WDR26: variants seen among roughly 807,000 people sequenced by gnomAD.
WDR26 encodes the protein WD repeat domain 26, also known as WD repeat-containing protein 26.
A neutral mutation model predicts 84.1 loss-of-function variants in WDR26; 5 were observed. That is an observed-to-expected ratio of 0.06 (90% CI 0.03 to 0.13). The LOEUF is 0.13. Ranked by LOEUF, WDR26 falls within the 10% of genes least tolerant of loss-of-function variation. WDR26 has a pLI of 1.00. For missense variants in WDR26, 642 were observed against 974.9 expected, an observed-to-expected ratio of 0.66 and a Z score of 4.55; for synonymous variants, 415 against 389.6, an observed-to-expected ratio of 1.07 and a Z score of -0.77.
intron 4 of WDR26, among the ~76,000 whole-genome samples, chr1:224,422,245 G>C (rs1353589735): frequency 2.0e-5 from 3 of 152,176 alleles, no homozygotes; most frequent in Non-Finnish European, 4.4e-5. Context: ...AAGAGCATGA[G>C]TGTCACTAGA....
chr1:224,410,612 A>G (rs1362580260), intron 7 of WDR26, among the ~76,000 whole-genome samples: 1 of 151,576 alleles, frequency 6.6e-6, no homozygotes, highest in Non-Finnish European at 1.5e-5. Context: ...CAAGATAATG[A>G]TGGGCTTCAG....
chr1:224,415,022 T>A (rs1034201644), intron 6 of WDR26, among the ~76,000 whole-genome samples: 5 of 152,168 alleles, frequency 3.3e-5, no homozygotes, highest in Admixed American at 2.6e-4. Context: ...AAAACTTTTT[T>A]TAATTAAAAA....
intron 7 of WDR26, among the ~76,000 whole-genome samples, chr1:224,406,784 C>G (rs1241759001): frequency 6.6e-6 from 1 of 152,006 alleles, no homozygotes; most frequent in East Asian, 1.9e-4. Context: ...TGCCCCAGAT[C>G]AACACAAAGA....
chr1:224,433,710 T>C lies in WDR26; in HGVS notation c.696A>G (p.Gly232=). The stretch of plus-strand genomic sequence containing the variant: ...TGAGCCCTAAGCCATTCAAGTGCTG[T>C]CCTATTAGCCTAATGACATCCTCAT... Residue 232 remains glycine (G), a synonymous_variant, in exon 1 of 14, where the codon GGA becomes GGG. Transcript: ENST00000414423. 1 of 1,524,994 alleles carries C rather than the reference T, an allele frequency of 6.6e-7. No homozygotes were observed. The highest frequency in any genetic ancestry group is 8.8e-7 in the Non-Finnish European group (1 of 1,139,328). The allele number at this position is 1,524,994 out of a possible 1,614,324, so 94.5% of individuals were successfully genotyped here.
intron 4 of WDR26, among the ~76,000 whole-genome samples, chr1:224,423,257 T>C (rs1674116424): frequency 6.6e-6 from 1 of 152,222 alleles, no homozygotes; most frequent in Admixed American, 6.5e-5. Flanking sequence ...TTTCCTTGGC[T>C]AGAACCTCCA....
At chr1:224,399,589 T>C (rs1242466944) in intron 9 of WDR26, among the ~76,000 whole-genome samples, 2 of 152,208 alleles carry the variant, frequency 1.3e-5, no homozygotes, top group Non-Finnish European at 2.9e-5. Context: ...CTTCCCATTT[T>C]ATAAGTTAGA....
At chr1:224,405,722 A>AAAT (rs1456293724) in intron 7 of WDR26, among the ~76,000 whole-genome samples, 2 of 152,240 alleles carry the variant, frequency 1.3e-5, no homozygotes, top group Admixed American at 1.3e-4. Flanking sequence ...GCCTCACTTA[A>AAAT]AAGCCCATAT....
chr1:224,407,717 C>T (rs1470570672), intron 7 of WDR26, among the ~76,000 whole-genome samples: 1 of 151,904 alleles, frequency 6.6e-6, no homozygotes, highest in Non-Finnish European at 1.5e-5. Context: ...ACCATGTTGG[C>T]CAGGTTGGCT....
chr1:224,388,080 G>A lies in WDR26; in HGVS notation c.*1755C>T, dbSNP rs547406494. On this transcript the variant is annotated 3_prime_UTR_variant, in exon 14 of 14. Transcript: ENST00000414423. ...TCATTTTCTTTACTATGGGCTTCTG[G>A]GAGAATGCATGCTATTTTAAGGCCA... 6.6e-6 allele frequency: 1 copy of A among 152,540 alleles called. No homozygotes were observed. The highest frequency in any genetic ancestry group is 2.4e-5 in the African/African-American group (1 of 41,494). The allele number at this position is 152,540 out of a possible 1,614,324, so 9.4% of individuals were successfully genotyped here.
chr1:224,391,469 T>C (rs1673126595), intron 13 of WDR26, among the ~76,000 whole-genome samples: 1 of 152,018 alleles, frequency 6.6e-6, no homozygotes, highest in Admixed American at 6.6e-5. Flanking sequence ...CCTTTTGAAA[T>C]GGAGTTGAGT....
intron 12 of WDR26, among the ~76,000 whole-genome samples, chr1:224,395,694 G>T (rs1453880531): frequency 6.6e-6 from 1 of 151,842 alleles, no homozygotes; most frequent in Non-Finnish European, 1.5e-5. Context: ...CAGGGTTAAA[G>T]TGTGAATGCA....
intron 12 of WDR26, among the ~76,000 whole-genome samples, chr1:224,394,598 G>GAGGCA (rs528283077): frequency 0.18 from 27,783 of 151,510 alleles, 2,791 homozygotes; most frequent in Middle Eastern, 0.23. Flanking sequence ...TCCACCTCCC[G>GAGGCA]GGTTCAAGCG....
intron 13 of WDR26, among the ~76,000 whole-genome samples, chr1:224,391,917 T>C (rs1351329794): frequency 6.6e-6 from 1 of 152,200 alleles, no homozygotes; most frequent in East Asian, 1.9e-4. Flanking sequence ...GCTATACCCA[T>C]GTTGCCAAAG....
intron 6 of WDR26, among the ~76,000 whole-genome samples, chr1:224,414,540 C>T (rs1673838189): frequency 6.6e-6 from 1 of 151,904 alleles, no homozygotes; most frequent in Non-Finnish European, 1.5e-5. Context: ...CAGAAAAAAG[C>T]GGGTATTTAA....
chr1:224,407,174 C>G (rs1321461579), intron 7 of WDR26, among the ~76,000 whole-genome samples: 2 of 51,192 alleles, frequency 3.9e-5, no homozygotes, highest in African/African-American at 1.6e-4. Context: ...ATATATATAA[C>G]TCAAAAACTT....
rs73125517 is a variant in WDR26 at position 224,395,195 on chromosome 1, A to C, written c.2075-1182T>G. On this transcript the variant is annotated intron_variant, in intron 12 of 13. Coordinates refer to ENST00000414423, the MANE Select transcript of WDR26 (RefSeq NM_001379403.1). ...ACCTGTAAATGGGGATACTAACCTC[A>C]TATCATGTTGTTATAAGGATTAAAT... 6.4e-3 allele frequency among the ~76,000 whole-genome samples: 973 copies of C among 152,302 alleles called. 11 individuals carry two copies. The highest frequency in any genetic ancestry group is 0.022 in the African/African-American group (914 of 41,554).
intron 8 of WDR26, among the ~76,000 whole-genome samples, chr1:224,402,313 T>C (rs1053666435): frequency 6.6e-6 from 1 of 152,220 alleles, no homozygotes; most frequent in African/African-American, 2.4e-5. Context: ...TTGACTGATA[T>C]AAACAGTTGA....
Position 224,433,818 on chromosome 1 carries a change from G to A in WDR26, c.588C>T (p.Ser196=). The change falls in exon 1 of 14, where the codon TCC becomes TCT. Residue 196 remains serine, a synonymous_variant. Coordinates refer to ENST00000414423, the MANE Select transcript of WDR26 (RefSeq NM_001379403.1). ...AGGAAGAGGAGGCGGCGGTGGTGGC[G>A]GAGGCAGCTGCGACGGTGGCTGAGG... 6 of 1,536,922 alleles carry A rather than the reference G, an allele frequency of 3.9e-6. No homozygotes were observed. The highest frequency in any genetic ancestry group is 3.6e-5 in the South Asian group (3 of 84,040).
rs1404594922 is a variant in WDR26, at chr1:224,434,038, C to G, written c.368G>C (p.Gly123Ala). 6.8e-7 allele frequency: 1 copy of G among 1,462,340 alleles called. No individual in the cohort carries two copies. The highest frequency in any genetic ancestry group is 9.0e-7 in the Non-Finnish European group (1 of 1,111,446). 90.6% of individuals were successfully genotyped at this position (1,462,340 alleles called of 1,614,324 possible). The change falls in exon 1 of 14, where the codon GGC becomes GCC. Residue 123 changes from glycine (G) to alanine (A), a missense_variant. Around this residue, in one of 2 missense-constraint regions of WDR26, gnomAD observed 291 missense variants for 302.1 expected, o/e 0.96. Transcript: ENST00000414423. The stretch of plus-strand genomic sequence containing the variant: ...TTCCGGGGTCTGTCCCTGGCCCCCG[C>G]CGCCCCCTCCTCCTCCACCGCCGCC...
Sources: allele counts gnomAD v4.1 joint callset (sites outside exome capture counted in the v4.1 genomes callset), GRCh38; gene constraint gnomAD v4.1.1; regional missense constraint gnomAD v4.1.1; transcripts MANE v1.5; gene names NCBI Gene and HGNC (gene_info 2026-07-23, HGNC 2026-07-21).